Variants in SLC25A48 observed in about 807,000 individuals in gnomAD.
The protein encoded by SLC25A48 is solute carrier family 25 member 48.
Under a neutral mutation model 32.2 loss-of-function variants are expected in SLC25A48, and 29 were observed. That is an observed-to-expected ratio of 0.90 (90% confidence interval 0.67 to 1.23). The LOEUF (loss-of-function observed/expected upper bound fraction) is 1.23. Ranked by LOEUF, SLC25A48 falls within the 50% of genes most tolerant of loss-of-function variation. The pLI, the probability that SLC25A48 is intolerant of heterozygous loss-of-function variation, is 0.00. For missense variants in SLC25A48, 399 were observed against 422.7 expected, an observed-to-expected ratio of 0.94 and a Z score of 0.49; for synonymous variants, 164 against 172.3, an observed-to-expected ratio of 0.95 and a Z score of 0.38.
chr5:135,694,010 G>C (rs1754209015), intron 3 of SLC25A48, among the ~76,000 whole-genome samples: 1 of 152,214 alleles, frequency 6.6e-6, no homozygotes, highest in Non-Finnish European at 1.5e-5. Context: ...CACTTGAAAG[G>C]CTGCGATGAG....
intron 3 of SLC25A48, chr5:135,650,058 T>G (rs1753070387): frequency 6.0e-6 from 1 of 165,564 alleles, no homozygotes; most frequent in Non-Finnish European, 1.3e-5. Context: ...CCTTTTCTTA[T>G]GATCATTCAT....
At chr5:135,863,353 T>C (rs1199365606) in intron 4 of SLC25A48, among the ~76,000 whole-genome samples, 1 of 152,140 alleles carries the variant, frequency 6.6e-6, no homozygotes, top group African/African-American at 2.4e-5. Flanking sequence ...CTATGTAGTG[T>C]GAGGTGCCTG....
rs138278313 is a variant in SLC25A48 at position 135,726,947 on chromosome 5, A to G, written c.-520-85576A>G. ...GCAATGTATGAGTGATCCAGTTTCT[A>G]TAGATCCTCGGCAGCATTTGGTGTC... is the stretch of plus-strand genomic sequence containing the variant. On this transcript the variant is annotated intron_variant, in intron 3 of 10. Transcript: ENST00000646290. 2.2e-4 allele frequency among the ~76,000 whole-genome samples: 33 copies of G among 152,264 alleles called. No individual in the cohort carries two copies. The South Asian group carries it at 2.3e-3, about 11-fold the overall frequency.
chr5:135,622,575 G>T (rs955688749), intron 1 of SLC25A48, among the ~76,000 whole-genome samples: 1 of 152,030 alleles, frequency 6.6e-6, no homozygotes. Context: ...CAGGATATAA[G>T]CTATATATAG....
chr5:135,834,856 C>T lies in SLC25A48; in HGVS notation c.9C>T (p.Ser3=), dbSNP rs1758364981. 1.2e-6 allele frequency: 2 copies of T among 1,602,418 alleles called. No individual in the cohort carries two copies. The highest frequency in any genetic ancestry group is 2.7e-5 in the African/African-American group (2 of 74,986). MG[S]FQLEDFAAGW... Reference sequence around the variant, plus strand: ...GAGACCGAGCGCCGGCCATGGGAAGCTTCCAGCTGGAAGACTTTGCGGCGG... The same window carrying T: ...GAGACCGAGCGCCGGCCATGGGAAGTTTCCAGCTGGAAGACTTTGCGGCGG... The change falls in exon 1 of 8, where the codon AGC becomes AGT. Residue 3 remains serine (S), a synonymous_variant. Transcript: ENST00000681962.
intron 3 of SLC25A48, among the ~76,000 whole-genome samples, chr5:135,769,485 C>A (rs1026402541): frequency 5.3e-5 from 8 of 151,310 alleles, no homozygotes; most frequent in Admixed American, 4.6e-4. Context: ...AATATTCAGA[C>A]AAAAAGAGGA....
intron 3 of SLC25A48, among the ~76,000 whole-genome samples, chr5:135,651,388 T>G (rs1251805434): frequency 1.3e-5 from 2 of 152,200 alleles, no homozygotes; most frequent in Non-Finnish European, 2.9e-5. Context: ...CTCAGGTGAC[T>G]GTACAGTGAG....
At chr5:135,597,007 A>G (rs1156904898) in intron 1 of SLC25A48, among the ~76,000 whole-genome samples, 2 of 152,186 alleles carry the variant, frequency 1.3e-5, no homozygotes, top group South Asian at 2.1e-4. Flanking sequence ...AAAAGAGCCA[A>G]TAGTAGGTTG....
At chr5:135,852,853 TG>T in intron 4 of SLC25A48, 32 bp downstream of exon 4, 1 of 1,582,218 alleles carries the variant, frequency 6.3e-7, no homozygotes, top group Non-Finnish European at 8.6e-7. Context: ...GGCTGGTGTC[TG>T]GGACTTGTGG....
chr5:135,790,308 T>A (rs7447059), intron 3 of SLC25A48, among the ~76,000 whole-genome samples: 21 of 151,440 alleles, frequency 1.4e-4, no homozygotes, highest in South Asian at 2.1e-4. Context: ...AGTGGGTTAC[T>A]CCATGTGTGT....
upstream of SLC25A48, among the ~76,000 whole-genome samples, chr5:135,832,140 CAGGTGG>C: frequency 6.6e-6 from 1 of 152,226 alleles, no homozygotes; most frequent in Admixed American, 6.5e-5. Context: ...CCGAGCCACC[CAGGTGG>C]AGGTGTTGAG....
At chr5:135,654,279 T>A (rs530112048) in intron 3 of SLC25A48, among the ~76,000 whole-genome samples, 1 of 152,310 alleles carries the variant, frequency 6.6e-6, no homozygotes, top group South Asian at 2.1e-4. Context: ...GAGCCCCCAG[T>A]CTTGCAAGGT....
intron 3 of SLC25A48, among the ~76,000 whole-genome samples, chr5:135,710,045 A>C (rs909031444): frequency 2.0e-5 from 3 of 152,212 alleles, no homozygotes; most frequent in African/African-American, 7.2e-5. Flanking sequence ...TTGGGAAGAG[A>C]TGTGCACAGT....
At chr5:135,672,105 G>A (rs1394349320) in intron 3 of SLC25A48, among the ~76,000 whole-genome samples, 6 of 152,144 alleles carry the variant, frequency 3.9e-5, no homozygotes, top group African/African-American at 1.4e-4. Context: ...TAATACAGAA[G>A]AACAATGAGA....
intron 3 of SLC25A48, among the ~76,000 whole-genome samples, chr5:135,778,843 C>CT (rs1348706098): frequency 6.4e-5 from 2 of 31,012 alleles, no homozygotes; most frequent in African/African-American, 2.5e-4. Flanking sequence ...ACACACACCC[C>CT]CCCCGCCCCG....
At chr5:135,789,199 C>CCCCCCCCGCGA (rs1561493813) in intron 3 of SLC25A48, among the ~76,000 whole-genome samples, 1 of 34,468 alleles carries the variant, frequency 2.9e-5, no homozygotes, top group African/African-American at 5.3e-5. Flanking sequence ...GGTGTACACC[C>CCCCCCCCGCGA]TCCCCCGCCA....
At chr5:135,793,705 G>C (rs1757092727) in intron 3 of SLC25A48, among the ~76,000 whole-genome samples, 1 of 151,562 alleles carries the variant, frequency 6.6e-6, no homozygotes. Context: ...ATATCCTGGG[G>C]AGATATTACT....
chr5:135,646,734 C>T (rs909421121), intron 3 of SLC25A48, among the ~76,000 whole-genome samples: 1 of 144,848 alleles, frequency 6.9e-6, no homozygotes, highest in African/African-American at 2.5e-5. Context: ...AAGACAAACA[C>T]TACATCATCT....
intron 7 of SLC25A48, among the ~76,000 whole-genome samples, chr5:135,880,299 C>T (rs1762373040): frequency 6.6e-6 from 1 of 152,044 alleles, no homozygotes; most frequent in Admixed American, 6.5e-5. Context: ...TGTGCTGGGT[C>T]CCCAGGGACC....
Sources: allele counts gnomAD v4.1 joint callset (sites outside exome capture counted in the v4.1 genomes callset), GRCh38; gene constraint gnomAD v4.1.1; transcripts MANE v1.5; gene names NCBI Gene and HGNC (gene_info 2026-07-23, HGNC 2026-07-21).